The following ZNF385D variants were observed in gnomAD, a reference collection of about 807,000 sequenced individuals.
ZNF385D encodes zinc finger protein 385D.
Under a neutral mutation model 35.8 loss-of-function variants are expected in ZNF385D, and 15 were observed. That is an observed-to-expected ratio of 0.42 (90% CI 0.28 to 0.64). The LOEUF is 0.64. Ranked by LOEUF, ZNF385D falls within the 30% of genes least tolerant of loss-of-function variation. The pLI is 0.23. For missense variants in ZNF385D, 474 were observed against 494.6 expected (o/e 0.96, Z 0.39); for synonymous variants, 212 against 186.8 (o/e 1.13, Z -1.10).
chr3:22,317,615 T>A (rs1703972724), intron 2 of ZNF385D, among the ~76,000 whole-genome samples: 1 of 152,170 alleles, frequency 6.6e-6, no homozygotes, highest in Non-Finnish European at 1.5e-5. Context: ...TCAAAATAAT[T>A]TTCTACATTC....
rs1362194782 is a variant in ZNF385D, at chr3:22,113,507, T to C, written c.325+55310A>G. Among the ~76,000 whole-genome samples, 4 of 152,034 alleles carry C rather than the reference T, an allele frequency of 2.6e-5. No individual in the cohort carries two copies. In the East Asian group the frequency reaches 7.7e-4, roughly 29 times the overall value. The stretch of plus-strand genomic sequence containing the variant: ...GATGATAGAAGGCCTGGGGAGAAAT[T>C]AGATCTATAATAAACATATTTGTGT... On this transcript the variant is annotated intron_variant, in intron 3 of 5. Coordinates refer to the ZNF385D transcript ENST00000494108.
At chr3:21,868,750 C>T (rs1405151071) in intron 3 of ZNF385D, among the ~76,000 whole-genome samples, 1 of 152,108 alleles carries the variant, frequency 6.6e-6, no homozygotes, top group Non-Finnish European at 1.5e-5. Flanking sequence ...TATTTTCCAG[C>T]ATCTAAATAA....
intron 3 of ZNF385D, among the ~76,000 whole-genome samples, chr3:21,883,324 C>T (rs1473646583): frequency 6.6e-6 from 1 of 151,536 alleles, no homozygotes; most frequent in African/African-American, 2.4e-5. Flanking sequence ...CAACATAAAC[C>T]AACAAATTTC....
chr3:22,133,714 A>G (rs1703938966), intron 3 of ZNF385D: 2 of 152,056 alleles, frequency 1.3e-5, no homozygotes, highest in Admixed American at 1.3e-4. Flanking sequence ...AAAAATTCAG[A>G]AAAGAAGTAA....
intron 4 of ZNF385D, chr3:21,443,415 G>A (rs534961135): frequency 1.1e-6 from 1 of 933,962 alleles, no homozygotes; most frequent in South Asian, 4.9e-5. Flanking sequence ...TGAAAATTTT[G>A]GGGGTCTGTC....
intron 3 of ZNF385D, among the ~76,000 whole-genome samples, chr3:21,824,326 A>G (rs1559661166): frequency 6.6e-6 from 1 of 152,216 alleles, no homozygotes; most frequent in South Asian, 2.1e-4. Context: ...TTTATAAAAA[A>G]CAACTGTTGA....
At chr3:22,301,782 C>T (rs376829066) in intron 2 of ZNF385D, among the ~76,000 whole-genome samples, 2 of 152,086 alleles carry the variant, frequency 1.3e-5, no homozygotes, top group South Asian at 4.1e-4. Flanking sequence ...GTGAACTTGG[C>T]ATTATATAGA....
chr3:21,761,350 T>G (rs1482759654), intron 3 of ZNF385D, among the ~76,000 whole-genome samples: 1 of 152,210 alleles, frequency 6.6e-6, no homozygotes, highest in African/African-American at 2.4e-5. Flanking sequence ...TTTGGGGTAA[T>G]ATTTTTTACA....
At chr3:21,750,793 A>T in intron 1 of ZNF385D, 102 bp downstream of exon 1, 3 of 1,464,700 alleles carry the variant, frequency 2.0e-6, no homozygotes, top group South Asian at 1.2e-5. Context: ...AGGTAGGTTT[A>T]ATGTAACATA....
intron 4 of ZNF385D, among the ~76,000 whole-genome samples, chr3:21,480,289 T>C (rs549662718): frequency 6.6e-6 from 1 of 151,942 alleles, no homozygotes; most frequent in East Asian, 2.0e-4. Flanking sequence ...TTTTAGTAGA[T>C]ACAGGGTTTC....
At chr3:22,200,654 C>T (rs1236783638) in intron 2 of ZNF385D, among the ~76,000 whole-genome samples, 3 of 152,068 alleles carry the variant, frequency 2.0e-5, no homozygotes, top group African/African-American at 7.2e-5. Context: ...GGAATTTCTT[C>T]TTCCTAATAA....
chr3:21,666,021 A>AT lies in ZNF385D; in HGVS notation c.23-994dup, dbSNP rs1355926671. On this transcript the variant is annotated intron_variant, in intron 1 of 7. Transcript: ENST00000281523. ...CATTAGGAAAGCAAAATGCAGTGGG[A>AT]TTTTTTTCTCTCTAACAGTAAAGAA... Among the ~76,000 whole-genome samples the AT allele has an allele frequency of 5.9e-5, 9 of 152,232 alleles. 1 individual carries two copies. In the South Asian group the frequency reaches 1.4e-3, roughly 25 times the overall value.
At chr3:22,111,160 TTTTTTTTTTTTTTTTTG>T (rs1699506643) in intron 3 of ZNF385D, among the ~76,000 whole-genome samples, 1 of 79,070 alleles carries the variant, frequency 1.3e-5, no homozygotes, top group Non-Finnish European at 2.9e-5. Flanking sequence ...GGATTTTTTT[TTTTTTTTTTTTTTTTTG>T]TTTTTTTTGT....
At chr3:21,488,113 A>T (rs550348365) in intron 4 of ZNF385D, among the ~76,000 whole-genome samples, 143 of 151,180 alleles carry the variant, frequency 9.5e-4, no homozygotes, top group African/African-American at 3.3e-3. Context: ...TTTTGGATAT[A>T]TTTTTTTTTA....
At chr3:22,058,648 A>G (rs1699536791) in intron 3 of ZNF385D, among the ~76,000 whole-genome samples, 1 of 152,234 alleles carries the variant, frequency 6.6e-6, no homozygotes, top group Non-Finnish European at 1.5e-5. Context: ...TTGATGCCTA[A>G]ATGAAAAAAT....
intron 3 of ZNF385D, among the ~76,000 whole-genome samples, chr3:22,108,298 G>A (rs541281692): frequency 3.3e-5 from 5 of 151,860 alleles, no homozygotes; most frequent in East Asian, 3.9e-4. Flanking sequence ...AACATCTGTC[G>A]AGTGTTCGAT....
chr3:22,322,884 G>A (rs1319923860), intron 2 of ZNF385D, among the ~76,000 whole-genome samples: 1 of 152,106 alleles, frequency 6.6e-6, no homozygotes, highest in Non-Finnish European at 1.5e-5. Context: ...TAATCAGGTT[G>A]TCATCTGCTA....
chr3:21,666,244 A>G (rs189660437), intron 1 of ZNF385D, among the ~76,000 whole-genome samples: 49 of 152,330 alleles, frequency 3.2e-4, no homozygotes, highest in African/African-American at 1.2e-3. Context: ...CCCCAATGAT[A>G]AATCCAACCC....
chr3:21,661,211 C>T (rs2066229612), intron 2 of ZNF385D, among the ~76,000 whole-genome samples: 1 of 152,114 alleles, frequency 6.6e-6, no homozygotes, highest in Admixed American at 6.6e-5. Context: ...CATTCGAATG[C>T]CTGGAATAGT....
Sources: gnomAD v4.1 joint callset for allele counts (sites outside exome capture counted in the v4.1 genomes callset) on GRCh38, gnomAD v4.1.1 for gene constraint, MANE v1.5 for transcripts, NCBI Gene and HGNC (gene_info 2026-07-23, HGNC 2026-07-21) for gene names.